Variants in TBC1D1 observed in about 807,000 individuals in gnomAD.
The protein encoded by TBC1D1 is TBC1 domain family member 1.
A neutral mutation model predicts 125.6 loss-of-function variants in TBC1D1; 89 were observed. The ratio of observed to expected loss-of-function variants is 0.71; its 90% CI spans 0.60 to 0.85. The LOEUF is 0.85. Ranked by LOEUF, TBC1D1 falls within the 40% of genes least tolerant of loss-of-function variation. The probability of loss-of-function intolerance (pLI) is 0.00; values close to 1 mark genes in which losing one functional copy is unlikely to be tolerated. For synonymous variants in TBC1D1, 565 were observed against 564.1 expected (o/e 1.00, Z -0.02); for missense variants, 1,377 against 1,469.2 (o/e 0.94, Z 1.03).
chr4:37,981,924 A>G (rs1463125869), intron 2 of TBC1D1, among the ~76,000 whole-genome samples: 4 of 152,330 alleles, frequency 2.6e-5, no homozygotes, highest in African/African-American at 7.2e-5. Flanking sequence ...GTAATAAGAA[A>G]GGAATACCAG....
chr4:37,988,431 A>AT (rs1329046639), intron 2 of TBC1D1, among the ~76,000 whole-genome samples: 2 of 152,026 alleles, frequency 1.3e-5, no homozygotes, highest in African/African-American at 4.8e-5. Context: ...TAAGTAAGTT[A>AT]TTTTTTTCTC....
In TBC1D1 at chr4:38,014,775, GCGCAGGCCCAT is replaced by G; in HGVS notation, c.685_695del (p.Arg229AlafsTer15). ...CGCCCACAGGGAGCCAGGAGCCTGTGCGCAGGCCCATGCGCAAGTCCTTCTCCCAGCCCGGC... is the reference window on the plus strand; with the variant it reads ...CGCCCACAGGGAGCCAGGAGCCTGTGGCGCAAGTCCTTCTCCCAGCCCGGC... On this transcript the variant is annotated frameshift_variant, in exon 3 of 20. Transcript: ENST00000261439. LOFTEE classifies it high-confidence loss of function. The surrounding 1 kb of genome is among the most constrained non-coding windows in gnomAD (Gnocchi z 5.1). The G allele has an allele frequency of 6.2e-7, 1 of 1,610,752 alleles. No homozygotes were observed. The highest frequency in any genetic ancestry group is 8.5e-7 in the Non-Finnish European group (1 of 1,178,714).
chr4:38,021,679 C>T lies in TBC1D1; in HGVS notation c.1171C>T (p.Pro391Ser). 6.9e-6 allele frequency: 11 copies of T among 1,593,812 alleles called. No homozygotes were observed. The highest frequency in any genetic ancestry group is 7.7e-6 in the Non-Finnish European group (9 of 1,170,508). ...GCCAGCCCAGCTGTGTGAGGGCTGC[C>T]CCCTGCAAAGCCTGCACAAGCTCTG... The change falls in exon 6 of 20, where the codon CCC becomes TCC. Residue 391 changes from proline (P) to serine (S), a missense_variant. Around this residue, in one of 3 missense-constraint regions of TBC1D1, gnomAD observed 822 missense variants for 824.6 expected, o/e 1.00. Transcript: ENST00000261439.
At chr4:38,057,235 C>G (rs1751893806) in intron 12 of TBC1D1, among the ~76,000 whole-genome samples, 1 of 152,214 alleles carries the variant, frequency 6.6e-6, no homozygotes, top group African/African-American at 2.4e-5. Context: ...TTGTGCCATG[C>G]CAGCCATGAA....
At chr4:38,045,745 C>A in intron 9 of TBC1D1, 72 bp from the exon 10 acceptor site, 2 of 1,088,100 alleles carry the variant, frequency 1.8e-6, no homozygotes, top group East Asian at 2.4e-5. Flanking sequence ...TTTAAATGGA[C>A]CAATCTGCTT....
chr4:38,037,800 A>T (rs1016291520), intron 8 of TBC1D1, among the ~76,000 whole-genome samples: 1 of 152,194 alleles, frequency 6.6e-6, no homozygotes, highest in African/African-American at 2.4e-5. Flanking sequence ...AGACCAAAAG[A>T]ATAGTGCTGG....
Position 38,021,690 on chromosome 4 carries a change from C to G in TBC1D1, c.1182C>G (p.Ser394Arg). 3 of 1,592,214 alleles carry G rather than the reference C, an allele frequency of 1.9e-6. No individual in the cohort carries two copies. Among genetic ancestry groups the G allele is most frequent in the Non-Finnish European group, 2.6e-6 (3 of 1,169,962 alleles). The change falls in exon 6 of 20, where the codon AGC (serine) becomes AGG (arginine). Residue 394 changes from serine to arginine, a missense_variant. Around this residue, in one of 3 missense-constraint regions of TBC1D1, gnomAD observed 822 missense variants for 824.6 expected, o/e 1.00. Coordinates refer to ENST00000261439, the MANE Select transcript of TBC1D1 (RefSeq NM_015173.4). ...TGTGTGAGGGCTGCCCCCTGCAAAG[C>G]CTGCACAAGCTCTGTGAGAGGATAG...
chr4:37,930,496 G>A (rs576856613), intron 2 of TBC1D1, among the ~76,000 whole-genome samples: 2 of 151,678 alleles, frequency 1.3e-5, no homozygotes, highest in East Asian at 3.9e-4. Flanking sequence ...CAACTTTTTG[G>A]ATTTTTTTTT....
intron 2 of TBC1D1, among the ~76,000 whole-genome samples, chr4:38,009,262 A>T (rs1273737251): frequency 6.6e-6 from 1 of 152,216 alleles, no homozygotes; most frequent in African/African-American, 2.4e-5. Flanking sequence ...AACTCCTTAC[A>T]ATGAGAAAGC....
chr4:38,087,686 A>G (rs1452887424), intron 12 of TBC1D1, among the ~76,000 whole-genome samples: 1 of 151,816 alleles, frequency 6.6e-6, no homozygotes, highest in East Asian at 1.9e-4. Context: ...AACTGAAAAT[A>G]CAGAAATTAG....
chr4:38,133,747 C>T (rs1765995176), intron 19 of TBC1D1, among the ~76,000 whole-genome samples: 1 of 152,190 alleles, frequency 6.6e-6, no homozygotes, highest in South Asian at 2.1e-4. Flanking sequence ...TAATGAAGGT[C>T]TCAGTTCTCC....
intron 2 of TBC1D1, among the ~76,000 whole-genome samples, chr4:37,909,236 G>A (rs1718023889): frequency 6.6e-6 from 1 of 152,158 alleles, no homozygotes; most frequent in Non-Finnish European, 1.5e-5. Flanking sequence ...TATTAAACAA[G>A]AAGGCAGTCT....
intron 7 of TBC1D1, among the ~76,000 whole-genome samples, chr4:38,029,645 C>T (rs1454907771): frequency 6.6e-6 from 1 of 152,084 alleles, no homozygotes; most frequent in Non-Finnish European, 1.5e-5. Context: ...GGGATTACAG[C>T]TGTGAGCCAC....
chr4:38,091,318 G>T (rs1448996214), intron 13 of TBC1D1, among the ~76,000 whole-genome samples: 3 of 152,216 alleles, frequency 2.0e-5, no homozygotes, highest in African/African-American at 7.2e-5. Flanking sequence ...TCTCATCAGG[G>T]TGCTGTGGAA....
intron 1 of TBC1D1, among the ~76,000 whole-genome samples, chr4:37,896,945 A>G (rs2152211692): frequency 6.6e-6 from 1 of 152,260 alleles, no homozygotes; most frequent in South Asian, 2.1e-4. Context: ...TACTATGTTT[A>G]AAGACTGTGC....
chr4:38,110,649 C>A, intron 15 of TBC1D1: 2 of 985,434 alleles, frequency 2.0e-6, no homozygotes, highest in Non-Finnish European at 2.4e-6. Context: ...TGACCCTCTC[C>A]ACTTAACAGT....
At chr4:37,956,198 A>G (rs1411506124) in intron 2 of TBC1D1, among the ~76,000 whole-genome samples, 1 of 151,752 alleles carries the variant, frequency 6.6e-6, no homozygotes, top group African/African-American at 2.4e-5. Flanking sequence ...TTTTGTAGAG[A>G]TGGGAGCGGG....
At chr4:37,962,214 A>G (rs929576237) in intron 2 of TBC1D1, among the ~76,000 whole-genome samples, 3 of 152,278 alleles carry the variant, frequency 2.0e-5, no homozygotes, top group Non-Finnish European at 4.4e-5. Flanking sequence ...ATAAGTTTCC[A>G]TTAGGTGTGG....
chr4:38,086,074 T>C (rs1043887381), intron 12 of TBC1D1, among the ~76,000 whole-genome samples: 3 of 152,182 alleles, frequency 2.0e-5, no homozygotes, highest in Admixed American at 1.3e-4. Flanking sequence ...CTATCTCCCT[T>C]TATAAATTAC....
Sources: gnomAD v4.1 joint callset for allele counts (sites outside exome capture counted in the v4.1 genomes callset) on GRCh38, gnomAD v4.1.1 for gene constraint, gnomAD v4.1.1 regional missense constraint, Gnocchi (gnomAD v3.1) non-coding constraint, MANE v1.5 for transcripts, NCBI Gene and HGNC (gene_info 2026-07-23, HGNC 2026-07-21) for gene names.